Variants in NUP210 observed in about 807,000 individuals in gnomAD.
The protein encoded by NUP210 is nuclear pore membrane glycoprotein 210.
Under a neutral mutation model 196.0 loss-of-function variants are expected in NUP210, and 151 were observed. The ratio of observed to expected loss-of-function variants is 0.77; its 90% CI spans 0.67 to 0.88. The LOEUF (loss-of-function observed/expected upper bound fraction) is 0.88. Among genes scored for constraint, NUP210 ranks in the 40% least tolerant of loss-of-function variants. The probability of loss-of-function intolerance (pLI) is 0.00; values close to 1 mark genes in which losing one functional copy is unlikely to be tolerated. For synonymous variants in NUP210, 1,070 were observed against 1,052.7 expected, an observed-to-expected ratio of 1.02 and a Z score of -0.32; for missense variants, 2,314 against 2,493.7, an observed-to-expected ratio of 0.93 and a Z score of 1.53.
intron 29 of NUP210, 73 bp from the exon 30 acceptor site, chr3:13,330,707 A>T (rs1696962103): frequency 2.8e-6 from 4 of 1,410,604 alleles, no homozygotes; most frequent in South Asian, 1.3e-5. Context: ...ATGCCAGGAG[A>T]TCTAAGAGTC....
rs1419229744 is a variant in NUP210 at position 13,366,675 on chromosome 3, G to A, written c.1787-584C>T. Among the ~76,000 whole-genome samples the A allele has an allele frequency of 3.3e-5, 5 of 150,030 alleles. No individual in the cohort carries two copies. In the East Asian group the frequency reaches 6.3e-4, roughly 19 times the overall value. On this transcript the variant is annotated intron_variant, in intron 13 of 39. Transcript: ENST00000254508. ...TGGGATTAGAGGCATGCGCCACCAC[G>A]CCCAGCTAATTCTTTGTATTTTTAG...
At chr3:13,338,994 G>GA (rs950084823) in intron 25 of NUP210, among the ~76,000 whole-genome samples, 14 of 151,852 alleles carry the variant, frequency 9.2e-5, no homozygotes, top group Middle Eastern at 3.2e-3. Context: ...CCTTTTTAGA[G>GA]AAAAAAAACC....
chr3:13,340,347 G>C lies in NUP210; in HGVS notation c.3229-49C>G. ...AGGACTACTGTGCCCCAAGCCCATG[G>C]CGCCAAGCATAACTCACACACTACA... On this transcript the variant is annotated intron_variant, in intron 23 of 39. Transcript: ENST00000254508. This position sits in a 1 kb window ranked among gnomAD's most constrained non-coding sequence, Gnocchi z 4.0. The C allele has an allele frequency of 3.3e-6, 5 of 1,535,564 alleles. No homozygotes were observed. The highest frequency in any genetic ancestry group is 4.5e-6 in the Non-Finnish European group (5 of 1,110,102).
chr3:13,353,793 G>C (rs947382828), intron 17 of NUP210, 122 bp downstream of exon 17: 2 of 1,228,572 alleles, frequency 1.6e-6, no homozygotes, highest in South Asian at 2.7e-5. Flanking sequence ...TATGTGGATT[G>C]TAAGAGTTAA....
At chr3:13,383,601 A>T (rs1279076130) in intron 6 of NUP210, among the ~76,000 whole-genome samples, 1 of 136,258 alleles carries the variant, frequency 7.3e-6, no homozygotes, top group African/African-American at 2.9e-5. Flanking sequence ...CAGCTACTGC[A>T]ACATCCTCTG....
intron 4 of NUP210, among the ~76,000 whole-genome samples, chr3:13,390,399 G>A (rs771601871): frequency 6.6e-6 from 1 of 152,178 alleles, no homozygotes; most frequent in East Asian, 1.9e-4. Flanking sequence ...GAGGAAGGCG[G>A]CACAGTCGGG....
At chr3:13,392,725 G>A (rs1699530639) in intron 3 of NUP210, among the ~76,000 whole-genome samples, 1 of 152,194 alleles carries the variant, frequency 6.6e-6, no homozygotes, top group African/African-American at 2.4e-5. Flanking sequence ...ACCTTCTTCT[G>A]CACACTGAGC....
At chr3:13,409,859 C>A (rs199712395) in intron 1 of NUP210, among the ~76,000 whole-genome samples, 5 of 148,696 alleles carry the variant, frequency 3.4e-5, no homozygotes. Flanking sequence ...TTTTTGGAGA[C>A]GGAGTCTCGT....
intron 3 of NUP210, among the ~76,000 whole-genome samples, chr3:13,395,502 G>A (rs1291287276): frequency 6.6e-6 from 1 of 152,184 alleles, no homozygotes; most frequent in African/African-American, 2.4e-5. Flanking sequence ...ATTTTTAGTA[G>A]AGACAGGGTT....
chr3:13,333,879 A>G (rs563685503), intron 28 of NUP210, among the ~76,000 whole-genome samples: 24 of 152,238 alleles, frequency 1.6e-4, no homozygotes, highest in Non-Finnish European at 2.9e-4. Flanking sequence ...CCTGTTAACT[A>G]TAAGAAAAGC....
Position 13,319,696 on chromosome 3 carries a change from C to T in NUP210, c.5383+67G>A, listed in dbSNP as rs1190128824. 6 of 1,381,512 alleles carry T rather than the reference C, an allele frequency of 4.3e-6. No homozygotes were observed. In the African/African-American group the frequency reaches 5.7e-5, roughly 13 times the overall value. 85.6% of individuals were successfully genotyped at this position (1,381,512 alleles called of 1,614,324 possible). On this transcript the variant is annotated intron_variant, in intron 37 of 39. Coordinates refer to ENST00000254508, the MANE Select transcript of NUP210 (RefSeq NM_024923.4). ...TTACACCTCAGGTTTCTACTGATAGCCAGGACCACTCCTGCCTGTCCCTCC... is the reference window on the plus strand; with the variant it reads ...TTACACCTCAGGTTTCTACTGATAGTCAGGACCACTCCTGCCTGTCCCTCC...
chr3:13,378,925 T>C lies in NUP210; in HGVS notation c.1032A>G (p.Glu344=), dbSNP rs1699013361. The change falls in exon 8 of 40, where the codon GAA becomes GAG. Residue 344 remains glutamate (E), a synonymous_variant. Transcript: ENST00000254508. The stretch of plus-strand genomic sequence containing the variant: ...GCCCACACTCACCTAGGTATCCAGG[T>C]TCGACCACGTAGATAGTGCTGTTGG... ...RLPNSTIYVV[E]PGYLGFTVHP... The C allele has an allele frequency of 6.2e-7, 1 of 1,613,810 alleles. No individual in the cohort carries two copies. The highest frequency in any genetic ancestry group is 1.3e-5 in the African/African-American group (1 of 74,934).
intron 14 of NUP210, among the ~76,000 whole-genome samples, chr3:13,361,164 C>T (rs991938190): frequency 4.6e-5 from 7 of 152,230 alleles, no homozygotes; most frequent in African/African-American, 1.2e-4. Context: ...CCTTCTGAGC[C>T]GCTGGGCTTC....
chr3:13,402,190 T>C (rs1436400609), intron 1 of NUP210, among the ~76,000 whole-genome samples: 1 of 151,802 alleles, frequency 6.6e-6, no homozygotes, highest in Admixed American at 6.6e-5. Flanking sequence ...GAGAATGAGG[T>C]CCCGTCTCAA....
At position 13,414,284 on chromosome 3, in the gene NUP210, G is replaced by C. The variant is rs181548036; in HGVS notation, c.167+5776C>G. Among the ~76,000 whole-genome samples, 3 of 152,392 alleles carry C rather than the reference G, an allele frequency of 2.0e-5. No homozygotes were observed. In the East Asian group the frequency reaches 5.8e-4, roughly 29 times the overall value. On this transcript the variant is annotated intron_variant, in intron 1 of 39. Transcript: ENST00000254508. ...TACAGAGCGGAAGCCACCTCGTGGG[G>C]CTGACAGAGCTCAGGCAGAGTGGGG...
At chr3:13,399,099 C>T (rs1188708292) in intron 2 of NUP210, among the ~76,000 whole-genome samples, 1 of 151,930 alleles carries the variant, frequency 6.6e-6, no homozygotes, top group African/African-American at 2.4e-5. Context: ...AAACCCGTCT[C>T]TATTGAAAAT....
intron 5 of NUP210, among the ~76,000 whole-genome samples, chr3:13,386,645 A>G (rs1250573286): frequency 6.6e-6 from 1 of 152,120 alleles, no homozygotes; most frequent in Admixed American, 6.6e-5. Context: ...CTGACTGCCC[A>G]TTGTGCATGG....
intron 36 of NUP210, among the ~76,000 whole-genome samples, chr3:13,321,290 C>T (rs1432104394): frequency 1.3e-5 from 2 of 152,354 alleles, no homozygotes; most frequent in South Asian, 2.1e-4. Flanking sequence ...TGCGATGCCA[C>T]GCACCACACG....
intron 13 of NUP210, among the ~76,000 whole-genome samples, chr3:13,368,248 T>C (rs1698608031): frequency 6.6e-6 from 1 of 152,130 alleles, no homozygotes; most frequent in Non-Finnish European, 1.5e-5. Flanking sequence ...GATAGTTTTT[T>C]CATTTTTTTG....
Sources: allele counts gnomAD v4.1 joint callset (sites outside exome capture counted in the v4.1 genomes callset), GRCh38; gene constraint gnomAD v4.1.1; non-coding constraint Gnocchi (gnomAD v3.1); transcripts MANE v1.5; gene names NCBI Gene and HGNC (gene_info 2026-07-23, HGNC 2026-07-21).